The following LDLRAD3 variants were observed in gnomAD, a reference collection of about 807,000 sequenced individuals.
The protein encoded by LDLRAD3 is low density lipoprotein receptor class A domain containing 3.
A neutral mutation model predicts 29.4 loss-of-function variants in LDLRAD3; 20 were observed. That is an observed-to-expected ratio of 0.68 (90% CI 0.48 to 0.99). LDLRAD3 has a LOEUF of 0.99. LDLRAD3 is among the 50% of genes least tolerant of loss of function. LDLRAD3 has a pLI of 0.00. For missense variants in LDLRAD3, 420 were observed against 454.3 expected (o/e 0.92, Z 0.69); for synonymous variants, 157 against 192.7 (o/e 0.81, Z 1.53).
chr11:36,066,066 C>A (rs1852787017), intron 2 of LDLRAD3, among the ~76,000 whole-genome samples: 1 of 152,058 alleles, frequency 6.6e-6, no homozygotes, highest in African/African-American at 2.4e-5. Context: ...CCCTCCTTGC[C>A]TAAGTGAGAT....
intron 2 of LDLRAD3, among the ~76,000 whole-genome samples, chr11:36,075,745 C>G (rs548502307): frequency 2.6e-5 from 4 of 152,120 alleles, no homozygotes; most frequent in Non-Finnish European, 4.4e-5. Context: ...CCCCTTTTTA[C>G]TTACTTATTC....
At chr11:36,225,005 G>T (rs1408502712) in intron 4 of LDLRAD3, among the ~76,000 whole-genome samples, 1 of 152,122 alleles carries the variant, frequency 6.6e-6, no homozygotes, top group Non-Finnish European at 1.5e-5. Context: ...CCATTGAGTG[G>T]CAGGTATTTA....
chr11:35,976,879 C>T (rs1198416513), intron 1 of LDLRAD3, among the ~76,000 whole-genome samples: 1 of 152,066 alleles, frequency 6.6e-6, no homozygotes, highest in African/African-American at 2.4e-5. Context: ...CACACATGTC[C>T]ATGCATGCAT....
At chr11:36,223,243 T>C (rs527941472) in intron 4 of LDLRAD3, among the ~76,000 whole-genome samples, 1 of 152,184 alleles carries the variant, frequency 6.6e-6, no homozygotes, top group African/African-American at 2.4e-5. Context: ...TGAAGAGAGG[T>C]CTGAAGAGAG....
intron 4 of LDLRAD3, among the ~76,000 whole-genome samples, chr11:36,212,551 C>CAAA (rs34139512): frequency 4.9e-5 from 6 of 123,232 alleles, no homozygotes; most frequent in African/African-American, 1.7e-4. Flanking sequence ...GACCCTGTCT[C>CAAA]AAAAAAAAAA....
intron 2 of LDLRAD3, among the ~76,000 whole-genome samples, chr11:36,036,574 G>C (rs2133210521): frequency 6.6e-6 from 1 of 152,226 alleles, no homozygotes; most frequent in South Asian, 2.1e-4. Flanking sequence ...AGGTTATGTG[G>C]CTGCAGCATC....
chr11:36,190,364 G>T (rs1187529185), intron 4 of LDLRAD3, among the ~76,000 whole-genome samples: 1 of 152,122 alleles, frequency 6.6e-6, no homozygotes, highest in Non-Finnish European at 1.5e-5. Context: ...GTTGGGTGTG[G>T]CGGCACATGC....
chr11:35,972,840 C>T (rs1258056539), intron 1 of LDLRAD3: 1 of 152,116 alleles, frequency 6.6e-6, no homozygotes, highest in Non-Finnish European at 1.5e-5. Flanking sequence ...TTCCTGAGCT[C>T]AGGAGTTTGG....
chr11:35,979,391 G>T (rs1851513087), intron 1 of LDLRAD3, among the ~76,000 whole-genome samples: 1 of 152,186 alleles, frequency 6.6e-6, no homozygotes, highest in Admixed American at 6.5e-5. Flanking sequence ...TCCAACCTAT[G>T]ACCTCTCTGA....
At chr11:36,185,911 C>G (rs1472106679) in intron 4 of LDLRAD3, among the ~76,000 whole-genome samples, 2 of 152,162 alleles carry the variant, frequency 1.3e-5, no homozygotes, top group African/African-American at 4.8e-5. Flanking sequence ...CCTAGCAATA[C>G]CTAGAGATGA....
intron 1 of LDLRAD3, among the ~76,000 whole-genome samples, chr11:35,969,218 A>T (rs891707312): frequency 1.9e-4 from 29 of 152,308 alleles, no homozygotes; most frequent in African/African-American, 6.7e-4. Flanking sequence ...TTCTCTGCTC[A>T]CGCTGGTGTG....
In LDLRAD3 at chr11:35,956,793, T is replaced by C. The variant is rs181989821; in HGVS notation, c.46+12649T>C. On this transcript the variant is annotated intron_variant, in intron 1 of 5. Transcript: ENST00000315571. ...GCTCTGTTTCCCAGGCTGGGTGCAG[T>C]GGTGCAATCTCGGCTCACTGCAAGC... Among the ~76,000 whole-genome samples, 878 of 152,310 alleles carry C rather than the reference T, an allele frequency of 5.8e-3. 6 individuals carry two copies. Among genetic ancestry groups the C allele is most frequent in the African/African-American group, 0.019 (794 of 41,562 alleles).
In LDLRAD3 at chr11:36,231,749, G is replaced by T. The variant is rs769794076; in HGVS notation, c.*2352G>T. On this transcript the variant is annotated 3_prime_UTR_variant, in exon 6 of 6. Transcript: ENST00000315571. The stretch of plus-strand genomic sequence containing the variant: ...CACCAAAGCGGCAGGGTTTTTTTGG[G>T]GGGGAGGGGGTTTGTTTTCCAACTC... The T allele has an allele frequency of 2.0e-5, 3 of 152,016 alleles. No homozygotes were observed. The highest frequency in any genetic ancestry group is 7.2e-5 in the African/African-American group (3 of 41,382). The allele number at this position is 152,016 out of a possible 1,614,324, so 9.4% of individuals were successfully genotyped here. A position where few individuals can be genotyped will look rare whatever the true frequency, so the allele number is the denominator to read the frequency against.
rs551607012 is a variant in LDLRAD3, at chr11:35,958,881, C to T, written c.46+14737C>T. Among the ~76,000 whole-genome samples, 4 of 152,274 alleles carry T rather than the reference C, an allele frequency of 2.6e-5. No individual in the cohort carries two copies. In the East Asian group the frequency reaches 5.8e-4, roughly 22 times the overall value. ...GACAACCACCCCAGACCTTGATTCACGTGTGCAGACGTGCGCTGCTCTCGT... is the reference window on the plus strand; with the variant it reads ...GACAACCACCCCAGACCTTGATTCATGTGTGCAGACGTGCGCTGCTCTCGT... On this transcript the variant is annotated intron_variant, in intron 1 of 5. Transcript: ENST00000315571.
At chr11:36,118,545 GAAAA>G (rs1158431478) in intron 4 of LDLRAD3, among the ~76,000 whole-genome samples, 1 of 150,852 alleles carries the variant, frequency 6.6e-6, no homozygotes, top group Non-Finnish European at 1.5e-5. Flanking sequence ...GAGAGAGAGA[GAAAA>G]AAAATACCTC....
intron 4 of LDLRAD3, among the ~76,000 whole-genome samples, chr11:36,191,599 TACACACAC>T (rs71044557): frequency 3.3e-4 from 31 of 93,124 alleles, no homozygotes; most frequent in African/African-American, 1.1e-3. Flanking sequence ...TATATATATA[TACACACAC>T]ACACACACAC....
chr11:35,966,993 C>T (rs1189465359), intron 1 of LDLRAD3: 1 of 170,250 alleles, frequency 5.9e-6, no homozygotes. Context: ...AGGGCTGTTT[C>T]CTGTTTTCTT....
At chr11:36,122,423 A>G (rs545423989) in intron 4 of LDLRAD3, among the ~76,000 whole-genome samples, 4 of 152,144 alleles carry the variant, frequency 2.6e-5, no homozygotes, top group Non-Finnish European at 5.9e-5. Context: ...GAAAAATGGA[A>G]ACAGGATTCA....
chr11:36,130,455 A>C (rs970251763), intron 4 of LDLRAD3, among the ~76,000 whole-genome samples: 40 of 152,202 alleles, frequency 2.6e-4, no homozygotes, highest in Non-Finnish European at 5.0e-4. Flanking sequence ...TGAGGCCATC[A>C]AAAGGTTCGG....
Sources: gnomAD v4.1 joint callset for allele counts (sites outside exome capture counted in the v4.1 genomes callset) on GRCh38, gnomAD v4.1.1 for gene constraint, MANE v1.5 for transcripts, NCBI Gene and HGNC (gene_info 2026-07-23, HGNC 2026-07-21) for gene names.